Variants in HS2ST1 observed in about 807,000 individuals in gnomAD.
HS2ST1 encodes heparan sulfate 2-O-sulfotransferase 1.
Under a neutral mutation model 42.9 loss-of-function variants are expected in HS2ST1, and 18 were observed. The ratio of observed to expected loss-of-function variants is 0.42; its 90% CI spans 0.29 to 0.62. HS2ST1 has a LOEUF of 0.62. Ranked by LOEUF, HS2ST1 falls within the 20% of genes least tolerant of loss-of-function variation. The pLI, the probability that HS2ST1 is intolerant of heterozygous loss-of-function variation, is 0.21. For synonymous variants in HS2ST1, 146 were observed against 152.9 expected, an observed-to-expected ratio of 0.95 and a Z score of 0.33; for missense variants, 334 against 433.8, an observed-to-expected ratio of 0.77 and a Z score of 2.04.
At chr1:86,966,845 C>T (rs1648061813) in intron 1 of HS2ST1, among the ~76,000 whole-genome samples, 1 of 151,280 alleles carries the variant, frequency 6.6e-6, no homozygotes, top group Non-Finnish European at 1.5e-5. Flanking sequence ...ATACAAATCT[C>T]TCTTACTAAA....
intron 1 of HS2ST1, among the ~76,000 whole-genome samples, chr1:86,997,898 AT>A (rs1381139682): frequency 6.6e-6 from 1 of 152,136 alleles, no homozygotes; most frequent in Non-Finnish European, 1.5e-5. Context: ...TATTTCTGGA[AT>A]TTTTCACTTA....
chr1:87,000,996 G>C (rs556790411), intron 1 of HS2ST1, among the ~76,000 whole-genome samples: 1 of 152,104 alleles, frequency 6.6e-6, no homozygotes, highest in Non-Finnish European at 1.5e-5. Flanking sequence ...TAGTGGTCAG[G>C]TATCCAGAAG....
At chr1:86,965,326 C>T (rs1010839118) in intron 1 of HS2ST1, among the ~76,000 whole-genome samples, 4 of 151,962 alleles carry the variant, frequency 2.6e-5, no homozygotes, top group South Asian at 2.1e-4. Flanking sequence ...GCATTTATCC[C>T]AAAATTCTTG....
At chr1:87,017,388 C>T (rs996932376) in intron 1 of HS2ST1, among the ~76,000 whole-genome samples, 3 of 152,174 alleles carry the variant, frequency 2.0e-5, no homozygotes, top group Non-Finnish European at 4.4e-5. Context: ...CTGCCTGCCT[C>T]GGCCTCCCAA....
chr1:87,038,552 CA>C (rs1216821300), intron 1 of HS2ST1, among the ~76,000 whole-genome samples: 1 of 152,058 alleles, frequency 6.6e-6, no homozygotes, highest in Non-Finnish European at 1.5e-5. Context: ...GAAAGTCCTG[CA>C]AAAATTAGAA....
At chr1:87,059,301 C>CA (rs981612813) in intron 1 of HS2ST1, among the ~76,000 whole-genome samples, 1 of 152,216 alleles carries the variant, frequency 6.6e-6, no homozygotes, top group Non-Finnish European at 1.5e-5. Flanking sequence ...GCCATCCCCA[C>CA]ATCTTGAAAG....
chr1:87,048,554 G>A (rs1225302490), intron 1 of HS2ST1, among the ~76,000 whole-genome samples: 1 of 151,684 alleles, frequency 6.6e-6, no homozygotes, highest in Admixed American at 6.6e-5. Context: ...TTATTAGTTT[G>A]AGGAAGTTCC....
intron 5 of HS2ST1, among the ~76,000 whole-genome samples, chr1:87,102,499 T>G (rs1370569509): frequency 6.6e-6 from 1 of 152,160 alleles, no homozygotes; most frequent in Non-Finnish European, 1.5e-5. Flanking sequence ...CCTCCAACAC[T>G]GGGAATCACA....
At chr1:86,954,849 C>T (rs930817482) in intron 1 of HS2ST1, among the ~76,000 whole-genome samples, 10 of 152,118 alleles carry the variant, frequency 6.6e-5, no homozygotes, top group Non-Finnish European at 1.5e-4. Flanking sequence ...CATTAGAGTA[C>T]ATATGCTATC....
intron 1 of HS2ST1, among the ~76,000 whole-genome samples, chr1:86,963,745 C>A (rs1210943492): frequency 6.3e-4 from 1 of 1,582 alleles, no homozygotes; most frequent in Non-Finnish European, 2.6e-3. Context: ...GGCAGAGGCG[C>A]CCCCCCCCCC....
intron 1 of HS2ST1, among the ~76,000 whole-genome samples, chr1:86,955,052 C>G (rs1351747111): frequency 6.6e-6 from 1 of 151,956 alleles, no homozygotes; most frequent in Non-Finnish European, 1.5e-5. Flanking sequence ...GAGCCGTGAT[C>G]GTGAGGTGAA....
intron 1 of HS2ST1, among the ~76,000 whole-genome samples, chr1:87,048,855 C>T (rs76891148): frequency 6.6e-6 from 1 of 152,120 alleles, no homozygotes; most frequent in Admixed American, 6.5e-5. Flanking sequence ...TTTCATTTCA[C>T]TAAATGTTGT....
At chr1:87,091,197 A>C (rs1651931524) in intron 3 of HS2ST1, among the ~76,000 whole-genome samples, 1 of 152,040 alleles carries the variant, frequency 6.6e-6, no homozygotes, top group Non-Finnish European at 1.5e-5. Context: ...GTTCATACAA[A>C]AAGTATTTTT....
In HS2ST1 at chr1:87,058,713, G is replaced by T. The variant is rs145597193; in HGVS notation, c.125-14221G>T. 1.2e-3 allele frequency among the ~76,000 whole-genome samples: 178 copies of T among 151,626 alleles called. 5 individuals carry two copies. Among genetic ancestry groups the T allele is most frequent in the African/African-American group, 3.8e-3 (155 of 41,006 alleles). On this transcript the variant is annotated intron_variant, in intron 1 of 6. Transcript: ENST00000370550. ...ATTCATATCTCTGAGTCTAAATTCCGTAATGTTACCATATAGGATTATTGC... is the reference window on the plus strand; with the variant it reads ...ATTCATATCTCTGAGTCTAAATTCCTTAATGTTACCATATAGGATTATTGC...
At chr1:87,021,454 A>G (rs964122263) in intron 1 of HS2ST1, among the ~76,000 whole-genome samples, 7 of 152,308 alleles carry the variant, frequency 4.6e-5, no homozygotes, top group African/African-American at 1.7e-4. Context: ...ATATTTTCCA[A>G]ACAAAAATTA....
chr1:87,095,626 G>A (rs1652042616), intron 4 of HS2ST1, among the ~76,000 whole-genome samples: 1 of 152,124 alleles, frequency 6.6e-6, no homozygotes, highest in African/African-American at 2.4e-5. Context: ...CCAAAGATGA[G>A]CATTGAATAA....
At chr1:87,074,329 G>C (rs571973439) in intron 2 of HS2ST1, among the ~76,000 whole-genome samples, 1 of 152,294 alleles carries the variant, frequency 6.6e-6, no homozygotes, top group East Asian at 1.9e-4. Context: ...TCAAGGACAA[G>C]TATCCTAAAT....
chr1:86,955,466 C>G (rs1452828102), intron 1 of HS2ST1, among the ~76,000 whole-genome samples: 1 of 152,126 alleles, frequency 6.6e-6, no homozygotes, highest in Non-Finnish European at 1.5e-5. Flanking sequence ...CCGCCCACCC[C>G]CTGTGGAAAA....
At chr1:86,977,363 A>G (rs547467083) in intron 1 of HS2ST1, among the ~76,000 whole-genome samples, 8 of 152,340 alleles carry the variant, frequency 5.3e-5, no homozygotes, top group African/African-American at 1.9e-4. Flanking sequence ...TTTGACTTTC[A>G]GAGGCACGCA....
Sources: gnomAD v4.1 joint callset for allele counts (sites outside exome capture counted in the v4.1 genomes callset) on GRCh38, gnomAD v4.1.1 for gene constraint, MANE v1.5 for transcripts, NCBI Gene and HGNC (gene_info 2026-07-23, HGNC 2026-07-21) for gene names.